Variants in GPM6B observed in about 807,000 individuals in gnomAD.
The protein encoded by GPM6B is glycoprotein M6B, also known as neuronal membrane glycoprotein M6-b.
A neutral mutation model predicts 27.2 loss-of-function variants in GPM6B; 4 were observed. That is an observed-to-expected ratio of 0.15 (90% CI 0.07 to 0.34). The LOEUF is 0.34. GPM6B is among the 10% of genes least tolerant of loss of function. The pLI, the probability that GPM6B is intolerant of heterozygous loss-of-function variation, is 1.00. For missense variants in GPM6B, 183 were observed against 261.9 expected, an observed-to-expected ratio of 0.70 and a Z score of 2.08; for synonymous variants, 124 against 103.1, an observed-to-expected ratio of 1.20 and a Z score of -1.23.
chrX:13,893,311 A>T (rs2050204121), intron 1 of GPM6B, among the ~76,000 whole-genome samples: 2 of 110,935 alleles, frequency 1.8e-5, no homozygotes, highest in Admixed American at 1.9e-4. Context: ...TTAAAAGCAT[A>T]TAATTAATTA....
In GPM6B at chrX:13,772,074, CTAGT is replaced by C. The variant is rs768561117; in HGVS notation, c.*803_*806del. 1.1e-3 allele frequency: 127 copies of C among 112,111 alleles called. No individual in the cohort carries two copies. The highest frequency in any genetic ancestry group is 6.6e-3 in the Admixed American group (70 of 10,568). The allele number at this position is 112,111 out of a possible 1,213,427, so 9.2% of individuals were successfully genotyped here. A position where few individuals can be genotyped will look rare whatever the true frequency, so the allele number is the denominator to read the frequency against. On this transcript the variant is annotated 3_prime_UTR_variant, in exon 8 of 8. Transcript: ENST00000316715. ...AATTCTGTGAAAGATATTTGGGTCT[CTAGT>C]TATGATATAAATTCTTAGAAATTTA...
At chrX:13,778,052 TTG>T (rs1424432867) in intron 5 of GPM6B, among the ~76,000 whole-genome samples, 2 of 75,504 alleles carry the variant, frequency 2.6e-5, no homozygotes, top group Admixed American at 1.9e-4. Flanking sequence ...TCAAATTGGT[TTG>T]TTTTTTTTTT....
chrX:13,853,957 G>T (rs915886711), intron 1 of GPM6B, among the ~76,000 whole-genome samples: 2 of 112,244 alleles, frequency 1.8e-5, no homozygotes, highest in African/African-American at 6.5e-5. Context: ...TGCCAGCCAA[G>T]GGCCAACCTT....
At chrX:13,935,356 A>AAAAAAC (rs1420281161) in intron 1 of GPM6B, among the ~76,000 whole-genome samples, 1 of 104,415 alleles carries the variant, frequency 9.6e-6, no homozygotes, top group African/African-American at 3.6e-5. Context: ...AAAAAAAAAA[A>AAAAAAC]ACTGTAAAGC....
intron 1 of GPM6B, among the ~76,000 whole-genome samples, chrX:13,845,442 T>A (rs1426122210): frequency 8.9e-6 from 1 of 112,243 alleles, no homozygotes; most frequent in Non-Finnish European, 1.9e-5. Context: ...TCCAACAACC[T>A]CTTCCAAAAA....
chrX:13,791,205 G>GTTT (rs113854554), intron 2 of GPM6B, among the ~76,000 whole-genome samples: 1 of 104,942 alleles, frequency 9.5e-6, no homozygotes. Context: ...TCAATGCCAG[G>GTTT]TTTTTTTTTT....
At position 13,846,652 on chromosome X, in the gene GPM6B, G is replaced by A. The variant is rs1490128717; in HGVS notation, c.-197-60844C>T. Among the ~76,000 whole-genome samples the A allele has an allele frequency of 2.7e-5, 3 of 109,448 alleles. No homozygotes were observed. In the East Asian group the frequency reaches 8.5e-4, roughly 31 times the overall value. ...ACTACAGGCGCCCGCCACAATGCCA[G>A]ACTAAATTTTTGTATTTTTTTTAGT... On this transcript the variant is annotated intron_variant, in intron 1 of 6. Transcript: ENST00000398361.
chrX:13,839,434 C>T (rs974583530), intron 1 of GPM6B, among the ~76,000 whole-genome samples: 8 of 111,763 alleles, frequency 7.2e-5, no homozygotes, highest in Non-Finnish European at 1.9e-5. Flanking sequence ...TGAGACTGTG[C>T]CTTGGGCCGT....
intron 1 of GPM6B, among the ~76,000 whole-genome samples, chrX:13,851,994 T>C (rs1039805386): frequency 1.8e-5 from 2 of 110,039 alleles, no homozygotes; most frequent in African/African-American, 6.6e-5. Flanking sequence ...CCTTACCTAC[T>C]ACAGATGAAT....
chrX:13,937,477 G>T (rs1004337936), intron 1 of GPM6B, among the ~76,000 whole-genome samples: 1 of 111,593 alleles, frequency 9.0e-6, no homozygotes, highest in African/African-American at 3.3e-5. Flanking sequence ...CCATTAACTC[G>T]CAATGGTTAA....
chrX:13,933,450 T>TA, intron 1 of GPM6B, among the ~76,000 whole-genome samples: 1 of 112,129 alleles, frequency 8.9e-6, no homozygotes, highest in Middle Eastern at 4.7e-3. Flanking sequence ...ACTTGGGTTG[T>TA]AGGCTCTTTT....
intron 2 of GPM6B, among the ~76,000 whole-genome samples, chrX:13,806,303 T>C (rs762682269): frequency 4.4e-5 from 5 of 112,660 alleles, no homozygotes; most frequent in Non-Finnish European, 9.4e-5. Flanking sequence ...TCACTTAGCA[T>C]GATGTTTTTG....
intron 1 of GPM6B, among the ~76,000 whole-genome samples, chrX:13,910,977 A>G (rs1038061431): frequency 8.9e-6 from 1 of 111,948 alleles, no homozygotes; most frequent in Non-Finnish European, 1.9e-5. Flanking sequence ...TTAAAACACT[A>G]TTTTCCATGG....
chrX:13,843,467 G>A (rs775196844), intron 1 of GPM6B, among the ~76,000 whole-genome samples: 2 of 112,178 alleles, frequency 1.8e-5, no homozygotes, highest in Middle Eastern at 4.6e-3. Flanking sequence ...CCTGAAAGTA[G>A]AATTGTTGGG....
At chrX:13,812,048 C>CTTTTTTTT (rs1187553585) in intron 1 of GPM6B, among the ~76,000 whole-genome samples, 1 of 88,916 alleles carries the variant, frequency 1.1e-5, no homozygotes, top group African/African-American at 4.3e-5. Flanking sequence ...TCTTTTCTTT[C>CTTTTTTTT]TTTTTTTTTT....
intron 1 of GPM6B, among the ~76,000 whole-genome samples, chrX:13,826,118 A>G (rs1381190043): frequency 1.8e-5 from 2 of 111,508 alleles, no homozygotes; most frequent in African/African-American, 6.5e-5. Context: ...AGCCCTAAGA[A>G]GGAGAAAGCA....
At chrX:13,824,968 C>T (rs989434522) in intron 1 of GPM6B, among the ~76,000 whole-genome samples, 3 of 111,859 alleles carry the variant, frequency 2.7e-5, no homozygotes, top group East Asian at 5.6e-4. Context: ...GCAATCCTGA[C>T]GTTCCTTGGC....
intron 1 of GPM6B, among the ~76,000 whole-genome samples, chrX:13,884,792 C>CT (rs2050118670): frequency 9.0e-6 from 1 of 111,606 alleles, no homozygotes; most frequent in Non-Finnish European, 1.9e-5. Context: ...ACCTGGGTTC[C>CT]TGACCAAGGA....
At chrX:13,789,848 T>G (rs1482837322) in intron 2 of GPM6B, among the ~76,000 whole-genome samples, 2 of 108,497 alleles carry the variant, frequency 1.8e-5, no homozygotes, top group Admixed American at 9.7e-5. Flanking sequence ...TTTTTTTTTG[T>G]TTTGTTTTGT....
Sources: allele counts gnomAD v4.1 joint callset (sites outside exome capture counted in the v4.1 genomes callset), GRCh38; gene constraint gnomAD v4.1.1; transcripts MANE v1.5; gene names NCBI Gene and HGNC (gene_info 2026-07-23, HGNC 2026-07-21).